Variants in ARHGAP15 observed in about 807,000 individuals in gnomAD.
ARHGAP15 encodes the protein rho GTPase-activating protein 15.
In ARHGAP15, 51 loss-of-function variants were observed where a neutral mutation model predicts 63.7. The observed-to-expected ratio is 0.80, with a 90% CI of 0.64 to 1.01. ARHGAP15 has a LOEUF of 1.01. Among genes scored for constraint, ARHGAP15 ranks in the 50% least tolerant of loss-of-function variants. The pLI, the probability that ARHGAP15 is intolerant of heterozygous loss-of-function variation, is 0.00. For missense variants in ARHGAP15, 560 were observed against 564.6 expected, an observed-to-expected ratio of 0.99 and a Z score of 0.08; for synonymous variants, 191 against 193.8, an observed-to-expected ratio of 0.99 and a Z score of 0.12.
intron 2 of ARHGAP15, among the ~76,000 whole-genome samples, chr2:143,167,636 A>G (rs955923600): frequency 6.6e-6 from 1 of 152,086 alleles, no homozygotes; most frequent in Non-Finnish European, 1.5e-5. Context: ...ACATGTACCT[A>G]GAACCCTGGT....
chr2:143,644,541 C>T (rs796684037), intron 12 of ARHGAP15, among the ~76,000 whole-genome samples: 1 of 152,104 alleles, frequency 6.6e-6, no homozygotes, highest in African/African-American at 2.4e-5. Flanking sequence ...ACTCAGCATG[C>T]CAAAGGACCA....
At chr2:143,480,286 C>T (rs575896919) in intron 8 of ARHGAP15, among the ~76,000 whole-genome samples, 1 of 152,128 alleles carries the variant, frequency 6.6e-6, no homozygotes, top group Non-Finnish European at 1.5e-5. Flanking sequence ...CAGTAGACGC[C>T]AGCTGTTCAC....
At chr2:143,303,341 G>A (rs758066400) in intron 6 of ARHGAP15, among the ~76,000 whole-genome samples, 11 of 151,558 alleles carry the variant, frequency 7.3e-5, no homozygotes, top group South Asian at 2.1e-4. Context: ...AAAAGTGGGC[G>A]AAGGATATGA....
At chr2:143,558,357 C>A (rs1318412724) in intron 11 of ARHGAP15, among the ~76,000 whole-genome samples, 1 of 152,078 alleles carries the variant, frequency 6.6e-6, no homozygotes, top group Non-Finnish European at 1.5e-5. Context: ...CAGATTATAG[C>A]AATTTCATTC....
At chr2:143,615,315 G>T (rs1280093076) in intron 11 of ARHGAP15, among the ~76,000 whole-genome samples, 1 of 152,044 alleles carries the variant, frequency 6.6e-6, no homozygotes, top group African/African-American at 2.4e-5. Flanking sequence ...TTTTTCTGAA[G>T]AAATACTTCC....
At chr2:143,559,460 A>T (rs7604660) in intron 11 of ARHGAP15, among the ~76,000 whole-genome samples, 47,157 of 152,076 alleles carry the variant, frequency 0.31, 8,482 homozygotes, top group African/African-American at 0.51. Flanking sequence ...GCACTGTCAG[A>T]ATGCAACATA....
At chr2:143,556,562 C>A in intron 11 of ARHGAP15, 77 bp downstream of exon 11, 1 of 971,632 alleles carries the variant, frequency 1.0e-6, no homozygotes, top group Non-Finnish European at 1.5e-6. Flanking sequence ...GCTGTATGTA[C>A]TGTGAATAAT....
intron 9 of ARHGAP15, among the ~76,000 whole-genome samples, chr2:143,505,052 G>C (rs1490374680): frequency 6.6e-6 from 1 of 152,194 alleles, no homozygotes; most frequent in Non-Finnish European, 1.5e-5. Flanking sequence ...TTTCCACTGT[G>C]TCTGAGGCTC....
intron 11 of ARHGAP15, among the ~76,000 whole-genome samples, chr2:143,565,499 C>G (rs1249456000): frequency 6.6e-6 from 1 of 152,142 alleles, no homozygotes; most frequent in Admixed American, 6.5e-5. Flanking sequence ...TACAAACCAA[C>G]TCTATATAAA....
intron 6 of ARHGAP15, among the ~76,000 whole-genome samples, chr2:143,267,051 T>G (rs1429919675): frequency 6.6e-6 from 1 of 152,174 alleles, no homozygotes; most frequent in Non-Finnish European, 1.5e-5. Flanking sequence ...ACGTCTGTCT[T>G]CATTTCATGG....
chr2:143,372,685 A>G (rs963733463), intron 6 of ARHGAP15, among the ~76,000 whole-genome samples: 1 of 152,160 alleles, frequency 6.6e-6, no homozygotes, highest in Non-Finnish European at 1.5e-5. Flanking sequence ...CTTGCCTTAG[A>G]AAAAATTTCA....
chr2:143,573,682 T>A (rs183916644), intron 11 of ARHGAP15, among the ~76,000 whole-genome samples: 1 of 152,180 alleles, frequency 6.6e-6, no homozygotes, highest in Non-Finnish European at 1.5e-5. Context: ...CCCTTTCTGT[T>A]TTACAAGTAT....
intron 11 of ARHGAP15, among the ~76,000 whole-genome samples, chr2:143,598,650 A>C (rs996754699): frequency 5.3e-5 from 8 of 152,158 alleles, no homozygotes; most frequent in Non-Finnish European, 1.2e-4. Flanking sequence ...TCACACCTGT[A>C]ATAGCAGCAT....
chr2:143,601,720 G>A (rs1256928946), intron 11 of ARHGAP15: 1 of 152,116 alleles, frequency 6.6e-6, no homozygotes, highest in African/African-American at 2.4e-5. Context: ...TATTAGGGGT[G>A]TCTCACTTAA....
intron 11 of ARHGAP15, among the ~76,000 whole-genome samples, chr2:143,561,121 G>A (rs1216356452): frequency 6.6e-6 from 1 of 152,182 alleles, no homozygotes; most frequent in African/African-American, 2.4e-5. Context: ...CATGTCTTGA[G>A]AACTTTTGAC....
At chr2:143,493,160 T>C (rs1322660934) in intron 9 of ARHGAP15, among the ~76,000 whole-genome samples, 1 of 152,236 alleles carries the variant, frequency 6.6e-6, no homozygotes. Flanking sequence ...CTTCCTTTCC[T>C]GTACTTATAA....
At chr2:143,439,958 A>G (rs184115178) in intron 8 of ARHGAP15, among the ~76,000 whole-genome samples, 283 of 152,268 alleles carry the variant, frequency 1.9e-3, no homozygotes, top group African/African-American at 6.7e-3. Flanking sequence ...CACTATTAAA[A>G]TAATAATTTA....
At chr2:143,577,982 TC>T (rs1696738461) in intron 11 of ARHGAP15, among the ~76,000 whole-genome samples, 1 of 152,188 alleles carries the variant, frequency 6.6e-6, no homozygotes, top group South Asian at 2.1e-4. Context: ...CAGGCAATTC[TC>T]TTACTTGCAA....
intron 10 of ARHGAP15, among the ~76,000 whole-genome samples, chr2:143,552,780 C>T (rs960941213): frequency 3.3e-5 from 5 of 152,070 alleles, no homozygotes; most frequent in Admixed American, 6.6e-5. Context: ...TTAGTTTTAT[C>T]GTGTTCCCAA....
Sources: gnomAD v4.1 joint callset for allele counts (sites outside exome capture counted in the v4.1 genomes callset) on GRCh38, gnomAD v4.1.1 for gene constraint, MANE v1.5 for transcripts, NCBI Gene and HGNC (gene_info 2026-07-23, HGNC 2026-07-21) for gene names.